YTHDF3: variants seen among roughly 807,000 people sequenced by gnomAD.
The protein encoded by YTHDF3 is YTH N6-methyladenosine RNA binding protein F3, also known as YTH domain-containing family protein 3.
A neutral mutation model predicts 52.5 loss-of-function variants in YTHDF3; 9 were observed. The observed-to-expected ratio is 0.17, with a 90% CI of 0.10 to 0.30. The LOEUF (loss-of-function observed/expected upper bound fraction) is 0.30. Among genes scored for constraint, YTHDF3 ranks in the 10% least tolerant of loss-of-function variants. YTHDF3 has a pLI of 1.00. For synonymous variants in YTHDF3, 274 were observed against 243.3 expected (o/e 1.13, Z -1.18); for missense variants, 534 against 715.0 (o/e 0.75, Z 2.89).
Position 63,187,273 on chromosome 8 carries a change from T to C in YTHDF3, c.1262T>C (p.Ile421Thr). The C allele has an allele frequency of 6.2e-7, 1 of 1,614,054 alleles. No individual in the cohort carries two copies. The highest frequency in any genetic ancestry group is 8.5e-7 in the Non-Finnish European group (1 of 1,179,908). ...CTGAAGAATGGACGTGTGTTTATAATTAAAAGCTACTCTGAGGATGACATA... is the reference window on the plus strand; with the variant it reads ...CTGAAGAATGGACGTGTGTTTATAACTAAAAGCTACTCTGAGGATGACATA... The part of the protein sequence containing the change: ...WNLKNGRVFI[I>T]KSYSEDDIHR... The change falls in exon 4 of 5, where the codon ATT becomes ACT. Residue 421 changes from isoleucine to threonine, a missense_variant. Coordinates refer to ENST00000539294, the MANE Select transcript of YTHDF3 (RefSeq NM_152758.6).
At chr8:63,175,238 CT>C (rs1434983180) in intron 2 of YTHDF3, 92 bp from the exon 3 acceptor site, 30 of 908,424 alleles carry the variant, frequency 3.3e-5, no homozygotes, top group East Asian at 8.2e-5. Flanking sequence ...TTTCTGATTA[CT>C]TTTTTTGGCT....
chr8:63,168,802 A>T lies in YTHDF3; in HGVS notation c.-76A>T. ...TGGAACAATCACTCGGCCAAGGGCG[A>T]CAGCCAACTGCTGTGAGTGCACGGG... On this transcript the variant is annotated 5_prime_UTR_variant, in exon 1 of 5. Coordinates refer to ENST00000539294, the MANE Select transcript of YTHDF3 (RefSeq NM_152758.6). 6.5e-7 allele frequency: 1 copy of T among 1,549,468 alleles called. No individual in the cohort carries two copies. The highest frequency in any genetic ancestry group is 8.7e-7 in the Non-Finnish European group (1 of 1,146,606).
At chr8:63,185,515 G>A (rs1258011889) in intron 3 of YTHDF3, among the ~76,000 whole-genome samples, 1 of 152,126 alleles carries the variant, frequency 6.6e-6, no homozygotes, top group Non-Finnish European at 1.5e-5. Context: ...ACTATGATAA[G>A]GAATTTGTTT....
chr8:63,196,289 G>A (rs1472494478), intron 4 of YTHDF3, among the ~76,000 whole-genome samples: 1 of 151,528 alleles, frequency 6.6e-6, no homozygotes, highest in African/African-American at 2.4e-5. Context: ...GGCTGGGCTT[G>A]GTGGCTCAAT....
At chr8:63,173,449 C>T (rs544172851) in intron 2 of YTHDF3, among the ~76,000 whole-genome samples, 3 of 151,798 alleles carry the variant, frequency 2.0e-5, no homozygotes, top group Admixed American at 2.0e-4. Context: ...GCTGTGTTGC[C>T]CAGGCTGGTC....
chr8:63,191,696 A>G (rs1210843204), intron 4 of YTHDF3, among the ~76,000 whole-genome samples: 1 of 152,080 alleles, frequency 6.6e-6, no homozygotes, highest in Non-Finnish European at 1.5e-5. Context: ...TGAACCACTG[A>G]TTGGTTGTTT....
At chr8:63,188,942 A>T (rs1449155967) in intron 4 of YTHDF3, 2 of 151,352 alleles carry the variant, frequency 1.3e-5, no homozygotes, top group Admixed American at 1.3e-4. Context: ...TGAACTGCTG[A>T]CCTCGTGATC....
intron 1 of YTHDF3, 45 bp from the exon 2 acceptor site, chr8:63,169,342 C>A: frequency 6.3e-7 from 1 of 1,577,846 alleles, no homozygotes; most frequent in Non-Finnish European, 8.6e-7. Context: ...TTTTTCTTTT[C>A]TTCCTTTTTC....
rs1310588388 is a variant in YTHDF3 at position 63,186,234 on chromosome 8, G to A, written c.223G>A (p.Ala75Thr). 6.2e-7 allele frequency: 1 copy of A among 1,613,862 alleles called. No individual in the cohort carries two copies. Among genetic ancestry groups the A allele is most frequent in the African/African-American group, 1.3e-5 (1 of 74,900 alleles). ...ATTTCCATATTCTCTTGGGGAAGCA[G>A]CGTGGTCCACAGCTGGAGACCAGCC... The part of the protein sequence containing the change: ...IGFPYSLGEA[A>T]WSTAGDQPMP... The change falls in exon 4 of 5, where the codon GCG (alanine) becomes ACG (threonine). Residue 75 changes from alanine (A) to threonine (T), a missense_variant. Transcript: ENST00000539294.
At chr8:63,173,911 A>G (rs898706077) in intron 2 of YTHDF3, among the ~76,000 whole-genome samples, 2 of 152,110 alleles carry the variant, frequency 1.3e-5, no homozygotes, top group Non-Finnish European at 2.9e-5. Context: ...GTGGCCTCTG[A>G]GGGGCAGTGT....
chr8:63,175,439 A>AT (rs759922908), intron 3 of YTHDF3, 23 bp downstream of exon 3: 2 of 1,562,870 alleles, frequency 1.3e-6, no homozygotes, highest in Non-Finnish European at 1.8e-6. Flanking sequence ...ACAGTTTCAG[A>AT]TTTTAGGAAA....
At chr8:63,206,251 T>C (rs1254976736) in intron 4 of YTHDF3, among the ~76,000 whole-genome samples, 1 of 152,026 alleles carries the variant, frequency 6.6e-6, no homozygotes, top group Non-Finnish European at 1.5e-5. Flanking sequence ...TTTTGTGTTT[T>C]CAGTAGAGAC....
At chr8:63,181,408 A>G (rs1427034864) in intron 3 of YTHDF3, among the ~76,000 whole-genome samples, 4 of 152,216 alleles carry the variant, frequency 2.6e-5, no homozygotes, top group African/African-American at 9.6e-5. Context: ...GAATGCCCTT[A>G]AAGTGGTTCC....
At chr8:63,206,329 C>T (rs1810030743) in intron 4 of YTHDF3, among the ~76,000 whole-genome samples, 1 of 152,136 alleles carries the variant, frequency 6.6e-6, no homozygotes, top group African/African-American at 2.4e-5. Flanking sequence ...TCCCAAAGTG[C>T]TGGGATTACA....
Position 63,186,998 on chromosome 8 carries a change from G to A in YTHDF3, c.987G>A (p.Gln329=). ...AGCAGCCTCAACCACCACAACCACA[G>A]CAGCAACAAGGACCTCAGCCACAGG... ...PQQQPQPPQP[Q]QQQGPQPQAQ... The change falls in exon 4 of 5, where the codon CAG becomes CAA. Residue 329 remains glutamine (Q), a synonymous_variant. Coordinates refer to ENST00000539294, the MANE Select transcript of YTHDF3 (RefSeq NM_152758.6). 1 of 1,613,568 alleles carries A rather than the reference G, an allele frequency of 6.2e-7. No individual in the cohort carries two copies. Among genetic ancestry groups the A allele is most frequent in the Non-Finnish European group, 8.5e-7 (1 of 1,179,716 alleles).
At chr8:63,172,528 C>G (rs1210278114) in intron 2 of YTHDF3, 1 of 382,594 alleles carries the variant, frequency 2.6e-6, no homozygotes, top group African/African-American at 2.1e-5. Context: ...TGTATTCTCT[C>G]CTCGTCCTCC....
intron 4 of YTHDF3, among the ~76,000 whole-genome samples, chr8:63,201,626 G>A (rs1809649293): frequency 6.6e-6 from 1 of 152,112 alleles, no homozygotes. Flanking sequence ...GTTGGTGGCA[G>A]AAAGTTCTGA....
At chr8:63,203,789 T>A (rs1036127606) in intron 4 of YTHDF3, among the ~76,000 whole-genome samples, 1 of 152,210 alleles carries the variant, frequency 6.6e-6, no homozygotes, top group Admixed American at 6.5e-5. Flanking sequence ...AAAGAGTACT[T>A]GTCAGGTATT....
chr8:63,207,088 G>A (rs1810083502), intron 4 of YTHDF3, among the ~76,000 whole-genome samples: 1 of 152,104 alleles, frequency 6.6e-6, no homozygotes, highest in Admixed American at 6.5e-5. Context: ...AAAAATGTCA[G>A]CTTCTCCTTG....
Sources: gnomAD v4.1 joint callset for allele counts (sites outside exome capture counted in the v4.1 genomes callset) on GRCh38, gnomAD v4.1.1 for gene constraint, MANE v1.5 for transcripts, NCBI Gene and HGNC (gene_info 2026-07-23, HGNC 2026-07-21) for gene names.